Variants in SEPTIN9 observed in about 807,000 individuals in gnomAD.
The protein encoded by SEPTIN9 is septin 9, also known as septin-9.
SEPTIN9 carries 13 observed loss-of-function variants against 56.6 expected under a neutral mutation model. The ratio of observed to expected loss-of-function variants is 0.23; its 90% confidence interval spans 0.15 to 0.37. SEPTIN9 has a LOEUF of 0.37. Ranked by LOEUF, SEPTIN9 falls within the 10% of genes least tolerant of loss-of-function variation. SEPTIN9 has a pLI of 1.00. For synonymous variants in SEPTIN9, 332 were observed against 334.1 expected, an observed-to-expected ratio of 0.99 and a Z score of 0.07; for missense variants, 650 against 823.1, an observed-to-expected ratio of 0.79 and a Z score of 2.57.
At position 77,500,076 on chromosome 17, in the gene SEPTIN9, G is replaced by C. The variant is rs2040438930; in HGVS notation, c.*1418G>C. On this transcript the variant is annotated 3_prime_UTR_variant, in exon 12 of 12. Transcript: ENST00000427177. ...CTGGGGAGAAAGAGGGGCCTGATGAGACTCCACTCAGGTGCACACATCACC... is the reference window on the plus strand; with the variant it reads ...CTGGGGAGAAAGAGGGGCCTGATGACACTCCACTCAGGTGCACACATCACC... 1 of 234,400 alleles carries C rather than the reference G, an allele frequency of 4.3e-6. No homozygotes were observed. Among genetic ancestry groups the C allele is most frequent in the Non-Finnish European group, 8.4e-6 (1 of 118,988 alleles). The allele number at this position is 234,400 out of a possible 1,614,324, so 14.5% of individuals were successfully genotyped here.
intron 2 of SEPTIN9, among the ~76,000 whole-genome samples, chr17:77,324,519 C>T (rs567768591): frequency 2.6e-5 from 4 of 152,212 alleles, no homozygotes; most frequent in East Asian, 3.8e-4. Context: ...CCCCACCAGG[C>T]GTCTTCCTAC....
Position 77,402,544 on chromosome 17 carries a change from G to A in SEPTIN9, c.562G>A (p.Val188Met). Residue 188 changes from valine (V) to methionine (M), a missense_variant, in exon 3 of 12, where the codon GTG (valine) becomes ATG (methionine). Val to Met is a conservative substitution (Grantham distance 21, BLOSUM62 1). Transcript: ENST00000427177. This position sits in a 1 kb window ranked among gnomAD's most constrained non-coding sequence, Gnocchi z 6.6. ...APATDAAPKR[V>M]EIQMPKPAEA... ...TGCCACCGACGCAGCCCCCAAGAGG[G>A]TGGAGATCCAGATGCCCAAGCCTGC... 1 of 1,609,040 alleles carries A rather than the reference G, an allele frequency of 6.2e-7. No homozygotes were observed. The highest frequency in any genetic ancestry group is 8.5e-7 in the Non-Finnish European group (1 of 1,178,146).
intron 2 of SEPTIN9, among the ~76,000 whole-genome samples, chr17:77,395,346 T>G (rs1400683209): frequency 6.6e-6 from 1 of 151,578 alleles, no homozygotes; most frequent in Non-Finnish European, 1.5e-5. Flanking sequence ...GCTAACACGG[T>G]GAAATCGTGT....
chr17:77,394,591 C>T (rs1000162611), intron 2 of SEPTIN9, among the ~76,000 whole-genome samples: 2 of 152,228 alleles, frequency 1.3e-5, no homozygotes, highest in African/African-American at 2.4e-5. Flanking sequence ...AGCTGAGCTG[C>T]GCATGAGATT....
rs2032740090 is a variant in SEPTIN9 at position 77,317,159 on chromosome 17, G to A, written c.76+9962G>A. Among the ~76,000 whole-genome samples the A allele has an allele frequency of 6.6e-6, 1 of 152,154 alleles. No homozygotes were observed. The highest frequency in any genetic ancestry group is 2.1e-4 in the South Asian group (1 of 4,832). On this transcript the variant is annotated intron_variant, in intron 2 of 11. Transcript: ENST00000427177. The surrounding 1 kb of genome is among the most constrained non-coding windows in gnomAD (Gnocchi z 4.2). ...ATCAGTTTCCTGCAGCTGCTGTAAC[G>A]AGTGGCCACAAGCTGGCTGGGTCAC... is the stretch of plus-strand genomic sequence containing the variant.
At chr17:77,413,473 C>T (rs74000241) in intron 3 of SEPTIN9, among the ~76,000 whole-genome samples, 5,247 of 152,194 alleles carry the variant, frequency 0.034, 313 homozygotes, top group African/African-American at 0.12. Flanking sequence ...CAGTGTGCAG[C>T]GCGGTGATTG....
chr17:77,426,543 C>G (rs1008737218), intron 3 of SEPTIN9, among the ~76,000 whole-genome samples: 1 of 152,160 alleles, frequency 6.6e-6, no homozygotes, highest in Non-Finnish European at 1.5e-5. Context: ...TTCACTGCAC[C>G]GGTCCCCTGG....
At chr17:77,463,405 G>A (rs370963931) in intron 3 of SEPTIN9, among the ~76,000 whole-genome samples, 13 of 151,916 alleles carry the variant, frequency 8.6e-5, no homozygotes, top group African/African-American at 2.4e-4. Flanking sequence ...TGGCTGCAGC[G>A]TTCACCCCAA....
rs74354492 is a variant in SEPTIN9, at chr17:77,354,796, G to A, written c.77-47263G>A. Among the ~76,000 whole-genome samples the A allele has an allele frequency of 9.0e-3, 1,373 of 152,138 alleles. 10 individuals are homozygous for A. The highest frequency in any genetic ancestry group is 0.014 in the Non-Finnish European group (936 of 67,974). ...CAGTGGAGGGCGGTGCAATCGTGAC[G>A]CCTGCTTGTTGCACTTTGCGTCCTT... On this transcript the variant is annotated intron_variant, in intron 2 of 11. Transcript: ENST00000427177.
In SEPTIN9 at chr17:77,402,641, A is replaced by T; in HGVS notation, c.659A>T (p.Gln220Leu). Residue 220 changes from glutamine (Q) to leucine (L), a missense_variant, in exon 3 of 12, where the codon CAG (glutamine) becomes CTG (leucine). This residue lies in a region of SEPTIN9 where 317 missense variants were observed against 329.1 expected (regional missense o/e 0.96). Transcript: ENST00000427177. The surrounding 1 kb of genome is among the most constrained non-coding windows in gnomAD (Gnocchi z 6.6). ...GAGCCTGCCCCTGTGTCTCAGCTGC[A>T]GAGCAGGCTGGAGCCCAAGCCCCAG... ...NSEPAPVSQL[Q>L]SRLEPKPQPP... 6.2e-7 allele frequency: 1 copy of T among 1,613,022 alleles called. No homozygotes were observed. Among genetic ancestry groups the T allele is most frequent in the South Asian group, 1.1e-5 (1 of 91,050 alleles).
intron 1 of SEPTIN9, among the ~76,000 whole-genome samples, chr17:77,298,721 TTTCTGCATCTCA>T (rs2031917465): frequency 6.6e-6 from 1 of 152,238 alleles, no homozygotes; most frequent in Admixed American, 6.5e-5. Context: ...TCCCCCTGCC[TTTCTGCATCTCA>T]TTGCTTCCTG....
chr17:77,363,358 C>G (rs2034476850), intron 2 of SEPTIN9, among the ~76,000 whole-genome samples: 1 of 149,526 alleles, frequency 6.7e-6, no homozygotes, highest in Non-Finnish European at 1.5e-5. Flanking sequence ...TGACTTCTGG[C>G]TCTCCAGGCC....
rs1567991317 is a variant in SEPTIN9, at chr17:77,319,871, CG to C, written c.76+12678del. ...GATATTAAAAAGGAGCAGCAAGCCT[CG>C]GGGCGGCGGGGGCTGGAGGAGGTGG... On this transcript the variant is annotated intron_variant, in intron 2 of 11. Transcript: ENST00000427177. This position sits in a 1 kb window ranked among gnomAD's most constrained non-coding sequence, Gnocchi z 5.3. The C allele has an allele frequency of 2.7e-6, 3 of 1,095,216 alleles. No individual in the cohort carries two copies. The highest frequency in any genetic ancestry group is 4.7e-5 in the Admixed American group (1 of 21,108). 67.8% of individuals were successfully genotyped at this position (1,095,216 alleles called of 1,614,324 possible).
rs908514927 is a variant in SEPTIN9 at position 77,405,463 on chromosome 17, T to G, written c.721+2760T>G. On this transcript the variant is annotated intron_variant, in intron 3 of 11. Coordinates refer to ENST00000427177, the MANE Select transcript of SEPTIN9 (RefSeq NM_001113491.2). This position sits in a 1 kb window ranked among gnomAD's most constrained non-coding sequence, Gnocchi z 5.8. Reference sequence around the variant, plus strand: ...GTGGCTTTCTCCATGGAATAGGATGTACACGTTGGAGCCGGGGCATGGGAG... The same window carrying G: ...GTGGCTTTCTCCATGGAATAGGATGGACACGTTGGAGCCGGGGCATGGGAG... 1.3e-5 allele frequency among the ~76,000 whole-genome samples: 2 copies of G among 152,166 alleles called. No individual in the cohort carries two copies. Among genetic ancestry groups the G allele is most frequent in the Non-Finnish European group, 2.9e-5 (2 of 68,032 alleles).
chr17:77,298,521 A>G (rs2031910320), intron 1 of SEPTIN9, among the ~76,000 whole-genome samples: 1 of 152,180 alleles, frequency 6.6e-6, no homozygotes, highest in African/African-American at 2.4e-5. Flanking sequence ...GCAGTGATGA[A>G]CTGCGGCTCA....
At chr17:77,316,285 C>T (rs1343501430) in intron 2 of SEPTIN9, among the ~76,000 whole-genome samples, 1 of 152,200 alleles carries the variant, frequency 6.6e-6, no homozygotes, top group Non-Finnish European at 1.5e-5. Context: ...CCTTACCTCA[C>T]CACCTCTGCA....
At chr17:77,281,681 C>A in intron 1 of SEPTIN9, 127 bp downstream of exon 1, 1 of 909,078 alleles carries the variant, frequency 1.1e-6, no homozygotes, top group Non-Finnish European at 1.6e-6. Context: ...GGGCACACTG[C>A]AGGTCGAGTT....
chr17:77,324,944 G>A (rs1031100089), intron 2 of SEPTIN9, among the ~76,000 whole-genome samples: 12 of 150,760 alleles, frequency 8.0e-5, no homozygotes, highest in South Asian at 4.2e-4. Context: ...TCAGCCTCCT[G>A]AGTAGTTGGG....
rs935146519 is a variant in SEPTIN9, at chr17:77,405,569, G to A, written c.721+2866G>A. On this transcript the variant is annotated intron_variant, in intron 3 of 11. Transcript: ENST00000427177. This position sits in a 1 kb window ranked among gnomAD's most constrained non-coding sequence, Gnocchi z 5.8. ...GAGTCCAGCTCACGTGGAGAGGTCCGTGGGCTGGGCTGACAGTCCTGAGGG... is the reference window on the plus strand; with the variant it reads ...GAGTCCAGCTCACGTGGAGAGGTCCATGGGCTGGGCTGACAGTCCTGAGGG... 1.3e-5 allele frequency among the ~76,000 whole-genome samples: 2 copies of A among 152,198 alleles called. No homozygotes were observed. Among genetic ancestry groups the A allele is most frequent in the African/African-American group, 4.8e-5 (2 of 41,444 alleles).
Sources: gnomAD v4.1 joint callset for allele counts (sites outside exome capture counted in the v4.1 genomes callset) on GRCh38, gnomAD v4.1.1 for gene constraint, gnomAD v4.1.1 regional missense constraint, Gnocchi (gnomAD v3.1) non-coding constraint, MANE v1.5 for transcripts, NCBI Gene and HGNC (gene_info 2026-07-23, HGNC 2026-07-21) for gene names.